The following SMAD3 variants were observed in gnomAD, a reference collection of about 807,000 sequenced individuals.
SMAD3 encodes MAD homolog 3.
A neutral mutation model predicts 51.8 loss-of-function variants in SMAD3; 12 were observed. The ratio of observed to expected loss-of-function variants is 0.23; its 90% CI spans 0.15 to 0.38. The LOEUF (loss-of-function observed/expected upper bound fraction) is 0.38, where lower values mean the gene tolerates loss of function less well. Among genes scored for constraint, SMAD3 ranks in the 10% least tolerant of loss-of-function variants. The pLI is 1.00. For missense variants in SMAD3, 294 were observed against 565.6 expected (o/e 0.52, Z 4.87); for synonymous variants, 238 against 227.7 (o/e 1.05, Z -0.41).
At chr15:67,081,476 C>T (rs1442398172) in intron 1 of SMAD3, among the ~76,000 whole-genome samples, 1 of 152,144 alleles carries the variant, frequency 6.6e-6, no homozygotes. Context: ...TGTATCGGAG[C>T]CCAGCATTGC....
chr15:67,154,373 T>C (rs1044573394), intron 1 of SMAD3, among the ~76,000 whole-genome samples: 1 of 152,248 alleles, frequency 6.6e-6, no homozygotes, highest in African/African-American at 2.4e-5. Context: ...TATGAAATCC[T>C]GTTTTCAGCT....
At chr15:67,147,073 C>CCCGT (rs1325785141) in intron 1 of SMAD3, 1 of 152,308 alleles carries the variant, frequency 6.6e-6, no homozygotes, top group Non-Finnish European at 1.5e-5. Context: ...GATTCACTTC[C>CCCGT]CGTCGTCAAC....
chr15:67,075,776 A>G (rs1237489233), intron 1 of SMAD3, among the ~76,000 whole-genome samples: 1 of 152,052 alleles, frequency 6.6e-6, no homozygotes, highest in African/African-American at 2.4e-5. Context: ...TTAGCCGGGC[A>G]TGGTAGCGGG....
chr15:67,178,808 T>C (rs561684353), intron 5 of SMAD3, among the ~76,000 whole-genome samples: 164 of 152,298 alleles, frequency 1.1e-3, no homozygotes, highest in African/African-American at 3.6e-3. Context: ...TGGCTCAGCC[T>C]CACCTCAGGG....
In SMAD3 at chr15:67,165,243, C is replaced by G; in HGVS notation, c.401-10C>G. ...CACTGAGCCACCTCTGCTCTGTCTC[C>G]CCCGGACAGTTCTACCTCCTGTGTT... is the stretch of plus-strand genomic sequence containing the variant. On this transcript the variant is annotated splice_polypyrimidine_tract_variant and intron_variant, in intron 2 of 8. Coordinates refer to ENST00000327367, the MANE Select transcript of SMAD3 (RefSeq NM_005902.4). 1 of 1,614,206 alleles carries G rather than the reference C, an allele frequency of 6.2e-7. No individual in the cohort carries two copies. The highest frequency in any genetic ancestry group is 8.5e-7 in the Non-Finnish European group (1 of 1,180,034).
intron 3 of SMAD3, chr15:67,166,305 A>C: frequency 3.0e-6 from 1 of 334,516 alleles, no homozygotes; most frequent in Non-Finnish European, 4.7e-6. Flanking sequence ...TGAACTTGCA[A>C]CCTAACTGCT....
At chr15:67,081,656 C>T (rs1171669345) in intron 1 of SMAD3, among the ~76,000 whole-genome samples, 1 of 152,194 alleles carries the variant, frequency 6.6e-6, no homozygotes, top group African/African-American at 2.4e-5. Context: ...AAGCTTGTCT[C>T]CTGTTGGTCC....
intron 1 of SMAD3, among the ~76,000 whole-genome samples, chr15:67,084,820 A>G (rs1191403492): frequency 1.3e-5 from 2 of 152,204 alleles, no homozygotes; most frequent in East Asian, 3.9e-4. Context: ...TAGTGCCATA[A>G]AAATACAGGA....
chr15:67,171,985 A>T lies in SMAD3; in HGVS notation c.658+1381A>T, dbSNP rs144764773. 1.2e-3 allele frequency among the ~76,000 whole-genome samples: 177 copies of T among 152,340 alleles called. 5 individuals are homozygous for T. The East Asian group carries it at 0.033, about 29-fold the overall frequency. ...TTAAAAACCCTCCTGGGGCCAAGGT[A>T]GCACTTTTAGTCAACAGCCTTCCAA... On this transcript the variant is annotated intron_variant, in intron 5 of 8. Coordinates refer to ENST00000327367, the MANE Select transcript of SMAD3 (RefSeq NM_005902.4).
intron 5 of SMAD3, 164 bp downstream of exon 5, chr15:67,170,768 C>A: frequency 1.6e-6 from 1 of 616,798 alleles, no homozygotes; most frequent in Admixed American, 2.8e-5. Context: ...GAGGTCACCA[C>A]GGAATGGGGA....
intron 1 of SMAD3, among the ~76,000 whole-genome samples, chr15:67,084,154 C>T (rs1307199986): frequency 7.3e-6 from 1 of 137,224 alleles, no homozygotes; most frequent in Non-Finnish European, 1.5e-5. Context: ...CGGCTCACTG[C>T]AAGCTCTGCC....
intron 1 of SMAD3, chr15:67,137,890 C>T (rs1961705997): frequency 1.6e-6 from 1 of 640,854 alleles, no homozygotes; most frequent in African/African-American, 1.8e-5. Context: ...TTTCTTCTGT[C>T]TGGGTGTTGC....
At chr15:67,125,954 A>G in intron 1 of SMAD3, 1 of 985,432 alleles carries the variant, frequency 1.0e-6, no homozygotes, top group African/African-American at 1.7e-5. Flanking sequence ...GGAAACCCAC[A>G]CTCGGGCCTG....
At chr15:67,076,645 C>G (rs1363118503) in intron 1 of SMAD3, among the ~76,000 whole-genome samples, 1 of 152,192 alleles carries the variant, frequency 6.6e-6, no homozygotes, top group African/African-American at 2.4e-5. Flanking sequence ...CATGCTTTGG[C>G]CCTCCACCTG....
intron 5 of SMAD3, among the ~76,000 whole-genome samples, chr15:67,172,872 T>C (rs1962787983): frequency 6.6e-6 from 1 of 152,134 alleles, no homozygotes. Flanking sequence ...TTGCTGACTT[T>C]TACGTTGGAG....
intron 1 of SMAD3, among the ~76,000 whole-genome samples, chr15:67,148,476 A>G (rs1181385136): frequency 2.0e-5 from 3 of 152,184 alleles, no homozygotes; most frequent in Non-Finnish European, 4.4e-5. Flanking sequence ...TCTGCCTACA[A>G]CCTTAGCCAC....
chr15:67,130,688 G>A (rs1465488227), intron 1 of SMAD3, among the ~76,000 whole-genome samples: 2 of 152,216 alleles, frequency 1.3e-5, no homozygotes, highest in African/African-American at 4.8e-5. Flanking sequence ...AGTATTCAAG[G>A]AAAGTGCCAG....
chr15:67,157,390 C>T (rs1008759391), intron 1 of SMAD3, among the ~76,000 whole-genome samples: 1 of 152,228 alleles, frequency 6.6e-6, no homozygotes, highest in Non-Finnish European at 1.5e-5. Flanking sequence ...CAACCTGCCC[C>T]TATCTCCCAT....
intron 1 of SMAD3, among the ~76,000 whole-genome samples, chr15:67,070,303 G>T (rs960818712): frequency 2.6e-5 from 4 of 152,140 alleles, no homozygotes; most frequent in African/African-American, 9.7e-5. Context: ...AGAAGAGGAG[G>T]TGCCTGCAGG....
Sources: gnomAD v4.1 joint callset for allele counts (sites outside exome capture counted in the v4.1 genomes callset) on GRCh38, gnomAD v4.1.1 for gene constraint, MANE v1.5 for transcripts, NCBI Gene and HGNC (gene_info 2026-07-23, HGNC 2026-07-21) for gene names.